Variants in LRP11 observed in about 807,000 individuals in gnomAD.
LRP11 encodes the protein LDL receptor related protein 11.
In LRP11, 25 loss-of-function variants were observed where a neutral mutation model predicts 43.1. That is an observed-to-expected ratio of 0.58 (90% confidence interval 0.42 to 0.81). LRP11 has a LOEUF of 0.81. Ranked by LOEUF, LRP11 falls within the 30% of genes least tolerant of loss-of-function variation. The pLI is 0.00. For missense variants in LRP11, 623 were observed against 665.1 expected (o/e 0.94, Z 0.70); for synonymous variants, 316 against 299.4 (o/e 1.06, Z -0.57).
Position 149,820,532 on chromosome 6 carries a change from G to T in LRP11, c.*17C>A, listed in dbSNP as rs1459830014. ...AAACAAAACATGTCCCTGCCCCAAG[G>T]TATTGAAATTACATTACTATAGATA... On this transcript the variant is annotated 3_prime_UTR_variant, in exon 7 of 7. Coordinates refer to ENST00000239367, the MANE Select transcript of LRP11 (RefSeq NM_032832.6). The T allele has an allele frequency of 3.9e-6, 3 of 777,178 alleles. 1 individual carries two copies. In the South Asian group the frequency reaches 4.1e-5, roughly 10 times the overall value. 48.1% of individuals were successfully genotyped at this position (777,178 alleles called of 1,614,324 possible).
intron 3 of LRP11, among the ~76,000 whole-genome samples, chr6:149,840,699 G>T (rs1275234527): frequency 6.6e-6 from 1 of 152,206 alleles, no homozygotes; most frequent in African/African-American, 2.4e-5. Flanking sequence ...TCCTCCCAGA[G>T]TCAGCACTTG....
At chr6:149,844,707 T>C (rs1037671735) in intron 2 of LRP11, among the ~76,000 whole-genome samples, 1 of 152,244 alleles carries the variant, frequency 6.6e-6, no homozygotes. Context: ...ATAATGGACT[T>C]TGGAAATTAC....
chr6:149,862,577 C>CCTTTTTTTTTTTTTTT (rs57368910), intron 1 of LRP11, among the ~76,000 whole-genome samples: 1 of 126,206 alleles, frequency 7.9e-6, no homozygotes, highest in Non-Finnish European at 1.6e-5. Context: ...TTTTCTTTTC[C>CCTTTTTTTTTTTTTTT]TTTTTTTTTT....
At position 149,824,289 on chromosome 6, in the gene LRP11, A is replaced by G. The variant is rs540236594; in HGVS notation, c.1348+1975T>C. Reference sequence around the variant, plus strand: ...AACAATAAAACAGACGAGATCTGGGAAAATGTTCTATTTGCTAAGTCAGAT... The same window carrying G: ...AACAATAAAACAGACGAGATCTGGGGAAATGTTCTATTTGCTAAGTCAGAT... On this transcript the variant is annotated intron_variant, in intron 6 of 6. Coordinates refer to ENST00000239367, the MANE Select transcript of LRP11 (RefSeq NM_032832.6). 5.3e-5 allele frequency among the ~76,000 whole-genome samples: 8 copies of G among 152,330 alleles called. No individual in the cohort carries two copies. In the South Asian group the frequency reaches 1.7e-3, roughly 32 times the overall value.
rs115156262 is a variant in LRP11 at position 149,851,907 on chromosome 6, C to T, written c.771+1096G>A. Among the ~76,000 whole-genome samples, 534 of 152,302 alleles carry T rather than the reference C, an allele frequency of 3.5e-3. 3 individuals carry two copies. The highest frequency in any genetic ancestry group is 0.011 in the African/African-American group (476 of 41,558). ...CTCAGGAAACTTACTAGTATAATCA[C>T]CGCAGAAGGCAAAGGGGAAGCAAGG... On this transcript the variant is annotated intron_variant, in intron 2 of 6. Coordinates refer to ENST00000239367, the MANE Select transcript of LRP11 (RefSeq NM_032832.6).
chr6:149,836,003 C>CTG, intron 5 of LRP11, 82 bp downstream of exon 5: 1 of 1,285,074 alleles, frequency 7.8e-7, no homozygotes, highest in Non-Finnish European at 1.1e-6. Context: ...CCTTAACACT[C>CTG]TTCAAACATA....
intron 1 of LRP11, among the ~76,000 whole-genome samples, chr6:149,856,178 C>T (rs1485009946): frequency 1.3e-5 from 2 of 152,086 alleles, no homozygotes; most frequent in Non-Finnish European, 2.9e-5. Flanking sequence ...CAGTAATGGA[C>T]ACATAATTTT....
chr6:149,841,510 TTG>T (rs1217676597), intron 3 of LRP11, among the ~76,000 whole-genome samples: 1 of 152,170 alleles, frequency 6.6e-6, no homozygotes, highest in Non-Finnish European at 1.5e-5. Context: ...CAGAAGTGAA[TTG>T]TGTGTGTGGT....
intron 5 of LRP11, among the ~76,000 whole-genome samples, chr6:149,835,444 A>G (rs907205681): frequency 5.9e-5 from 9 of 152,118 alleles, no homozygotes; most frequent in Admixed American, 3.9e-4. Flanking sequence ...TATAAAAAAT[A>G]CAAAAATTAG....
intron 1 of LRP11, among the ~76,000 whole-genome samples, chr6:149,861,748 T>C (rs1284030651): frequency 2.0e-5 from 3 of 152,196 alleles, no homozygotes; most frequent in Non-Finnish European, 4.4e-5. Context: ...CTCTAACTCT[T>C]GGCCTCAAGT....
chr6:149,837,689 G>A (rs1776491489), intron 3 of LRP11, among the ~76,000 whole-genome samples: 1 of 152,158 alleles, frequency 6.6e-6, no homozygotes, highest in Non-Finnish European at 1.5e-5. Context: ...TGGTCTGAGG[G>A]CTGTTCTCCA....
At chr6:149,839,989 T>G (rs1238442092) in intron 3 of LRP11, among the ~76,000 whole-genome samples, 1 of 152,238 alleles carries the variant, frequency 6.6e-6, no homozygotes, top group Non-Finnish European at 1.5e-5. Context: ...GGGCATCCTG[T>G]TTGGAGACTG....
At position 149,847,824 on chromosome 6, in the gene LRP11, TACACACACACACACACACACACACACAC is replaced by T. The variant is rs57292379; in HGVS notation, c.772-4728_772-4701del. Among the ~76,000 whole-genome samples, 1,266 of 131,132 alleles carry T rather than the reference TACACACACACACACACACACACACACAC, an allele frequency of 9.7e-3. 4 individuals carry two copies. The highest frequency in any genetic ancestry group is 0.014 in the Non-Finnish European group (850 of 61,478). 86.0% of individuals were successfully genotyped at this position (131,132 alleles called of 152,430 possible). On this transcript the variant is annotated intron_variant, in intron 2 of 6. Coordinates refer to ENST00000239367, the MANE Select transcript of LRP11 (RefSeq NM_032832.6). Reference sequence around the variant, plus strand: ...CTTCTCATATATGTCTAAACTAAATTACACACACACACACACACACACACACACACACACACACACACACACACACACA... The same window carrying T: ...CTTCTCATATATGTCTAAACTAAATTACACACACACACACACACACACACA...
intron 5 of LRP11, among the ~76,000 whole-genome samples, chr6:149,835,414 A>C (rs1776458451): frequency 6.6e-6 from 1 of 152,208 alleles, no homozygotes; most frequent in Non-Finnish European, 1.5e-5. Context: ...AGCCTGGGCA[A>C]CATGGCAAAA....
chr6:149,845,751 T>G (rs1432866969), intron 2 of LRP11, among the ~76,000 whole-genome samples: 1 of 151,998 alleles, frequency 6.6e-6, no homozygotes, highest in Non-Finnish European at 1.5e-5. Flanking sequence ...CAGATAAGAC[T>G]TGGGGCTCAG....
At chr6:149,845,687 A>G (rs73610596) in intron 2 of LRP11, among the ~76,000 whole-genome samples, 6,921 of 152,012 alleles carry the variant, frequency 0.046, 360 homozygotes, top group South Asian at 0.12. Flanking sequence ...CCACTGAAAT[A>G]AAAGTGGAAG....
chr6:149,824,504 TCAGTAAC>T (rs1776314052), intron 6 of LRP11, among the ~76,000 whole-genome samples: 1 of 152,218 alleles, frequency 6.6e-6, no homozygotes, highest in Admixed American at 6.5e-5. Flanking sequence ...GATGCTATTC[TCAGTAAC>T]CAGCTAGGGT....
At chr6:149,830,463 T>C (rs1776395082) in intron 5 of LRP11, among the ~76,000 whole-genome samples, 1 of 152,158 alleles carries the variant, frequency 6.6e-6, no homozygotes, top group Admixed American at 6.5e-5. Flanking sequence ...AACTAGCAAA[T>C]ACGAGTTTTT....
rs1776262276 is a variant in LRP11 at position 149,820,314 on chromosome 6, A to G, written c.*235T>C. The G allele has an allele frequency of 2.7e-6, 1 of 364,828 alleles. No individual in the cohort carries two copies. Among genetic ancestry groups the G allele is most frequent in the African/African-American group, 2.1e-5 (1 of 46,976 alleles). The allele number at this position is 364,828 out of a possible 1,614,324, so 22.6% of individuals were successfully genotyped here. ...ATTTCTATTTTCAGGGACAGCTTAC[A>G]TAAATCAGAATTATATTTTTAGGAA... On this transcript the variant is annotated 3_prime_UTR_variant, in exon 7 of 7. Coordinates refer to ENST00000239367, the MANE Select transcript of LRP11 (RefSeq NM_032832.6).
Sources: gnomAD v4.1 joint callset for allele counts (sites outside exome capture counted in the v4.1 genomes callset) on GRCh38, gnomAD v4.1.1 for gene constraint, MANE v1.5 for transcripts, NCBI Gene and HGNC (gene_info 2026-07-23, HGNC 2026-07-21) for gene names.